The following CDC14A variants were observed in gnomAD, a reference collection of about 807,000 sequenced individuals.
CDC14A encodes the protein cell division cycle 14A.
A neutral mutation model predicts 74.4 loss-of-function variants in CDC14A; 53 were observed. The ratio of observed to expected loss-of-function variants is 0.71; its 90% CI spans 0.57 to 0.89. The LOEUF is 0.89. Among genes scored for constraint, CDC14A ranks in the 40% least tolerant of loss-of-function variants. The pLI is 0.00. For missense variants in CDC14A, 646 were observed against 713.7 expected (o/e 0.91, Z 1.08); for synonymous variants, 247 against 258.4 (o/e 0.96, Z 0.43).
intron 5 of CDC14A, among the ~76,000 whole-genome samples, chr1:100,431,720 C>T (rs114068828): frequency 0.02 from 2,998 of 151,634 alleles, 107 homozygotes; most frequent in African/African-American, 0.069. Flanking sequence ...GGTAGTGGCA[C>T]ACATCTGTAG....
At chr1:100,484,870 C>CTT in intron 11 of CDC14A, 1 of 981,894 alleles carries the variant, frequency 1.0e-6, no homozygotes, top group Non-Finnish European at 1.2e-6. Context: ...GATTAGGGCA[C>CTT]TTTTTTAAAA....
chr1:100,390,990 G>T, intron 4 of CDC14A, 166 bp downstream of exon 4: 2 of 675,482 alleles, frequency 3.0e-6, no homozygotes, highest in Non-Finnish European at 5.4e-6. Context: ...GTGGTGGAAT[G>T]TTTACTCTTT....
At chr1:100,349,643 A>T (rs1650737753), upstream of CDC14A, among the ~76,000 whole-genome samples, 1 of 152,052 alleles carries the variant, frequency 6.6e-6, no homozygotes, top group South Asian at 2.1e-4. Context: ...CTTCCATGCA[A>T]TTTTGTTGTT....
At chr1:100,413,462 G>A (rs1284986890) in intron 4 of CDC14A, among the ~76,000 whole-genome samples, 3 of 152,058 alleles carry the variant, frequency 2.0e-5, no homozygotes, top group South Asian at 2.1e-4. Flanking sequence ...ATATGAAAAG[G>A]CTTCTTAAAA....
At chr1:100,466,414 C>T (rs981636247) in intron 9 of CDC14A, among the ~76,000 whole-genome samples, 9 of 152,082 alleles carry the variant, frequency 5.9e-5, no homozygotes, top group Admixed American at 2.0e-4. Flanking sequence ...AGGCAAATTA[C>T]GCAGAAATCT....
chr1:100,421,355 C>A (rs933116579), intron 4 of CDC14A, among the ~76,000 whole-genome samples: 3 of 152,168 alleles, frequency 2.0e-5, no homozygotes, highest in African/African-American at 4.8e-5. Context: ...ATTAGAATAT[C>A]TGGCAACAAA....
chr1:100,434,722 T>C (rs957781394), intron 5 of CDC14A, among the ~76,000 whole-genome samples: 2 of 152,140 alleles, frequency 1.3e-5, no homozygotes, highest in Admixed American at 6.5e-5. Flanking sequence ...AAGACTGGAT[T>C]ATCGTTGCAG....
At chr1:100,491,548 CTATATATATA>C (rs67056785) in intron 11 of CDC14A, among the ~76,000 whole-genome samples, 1 of 38,750 alleles carries the variant, frequency 2.6e-5, no homozygotes, top group African/African-American at 8.6e-5. Flanking sequence ...CTCTCTCTCT[CTATATATATA>C]TATATATATA....
chr1:100,516,289 C>T (rs1196133316), intron 15 of CDC14A, among the ~76,000 whole-genome samples: 18 of 151,594 alleles, frequency 1.2e-4, no homozygotes. Flanking sequence ...AATATATGCA[C>T]ACACACATAT....
At chr1:100,371,064 T>C (rs1005692847) in intron 2 of CDC14A, among the ~76,000 whole-genome samples, 3 of 152,232 alleles carry the variant, frequency 2.0e-5, no homozygotes, top group Non-Finnish European at 4.4e-5. Context: ...TTTGAGGCTA[T>C]TGTAACTGGG....
chr1:100,463,490 G>A (rs1667511692), intron 9 of CDC14A, among the ~76,000 whole-genome samples: 1 of 152,122 alleles, frequency 6.6e-6, no homozygotes, highest in Non-Finnish European at 1.5e-5. Flanking sequence ...TGATCTCTGG[G>A]GGTGGATACT....
intron 10 of CDC14A, among the ~76,000 whole-genome samples, chr1:100,475,896 A>G (rs1668845566): frequency 2.0e-5 from 3 of 152,142 alleles, no homozygotes; most frequent in African/African-American, 7.2e-5. Flanking sequence ...GGATCTCATT[A>G]TCTGACTCCC....
At chr1:100,372,322 A>G (rs1654591523) in intron 2 of CDC14A, among the ~76,000 whole-genome samples, 2 of 151,852 alleles carry the variant, frequency 1.3e-5, no homozygotes, top group Admixed American at 1.3e-4. Flanking sequence ...ATATTGATTC[A>G]CTCTTCCTTT....
At chr1:100,356,603 C>A (rs771696281) in intron 2 of CDC14A, among the ~76,000 whole-genome samples, 1 of 152,068 alleles carries the variant, frequency 6.6e-6, no homozygotes, top group Non-Finnish European at 1.5e-5. Flanking sequence ...CGCCTGTAAT[C>A]ACAGCACTTT....
At chr1:100,467,926 T>C (rs1467542710) in intron 9 of CDC14A, 30 bp from the exon 10 acceptor site, 6 of 1,549,940 alleles carry the variant, frequency 3.9e-6, no homozygotes, top group South Asian at 2.5e-5. Flanking sequence ...CTAGACTTTA[T>C]ATTTCTTATT....
intron 4 of CDC14A, among the ~76,000 whole-genome samples, chr1:100,404,939 T>C (rs1659757138): frequency 6.6e-6 from 1 of 152,216 alleles, no homozygotes; most frequent in Non-Finnish European, 1.5e-5. Flanking sequence ...CAGTACCTCA[T>C]AGAGTTATTT....
At chr1:100,510,906 C>T (rs1333043112) in intron 15 of CDC14A, among the ~76,000 whole-genome samples, 1 of 152,166 alleles carries the variant, frequency 6.6e-6, no homozygotes, top group African/African-American at 2.4e-5. Context: ...TTCCTGATCT[C>T]CAGAGCCAGC....
chr1:100,442,803 C>T (rs1490706192), intron 6 of CDC14A, 131 bp from the exon 7 acceptor site: 2 of 654,090 alleles, frequency 3.1e-6, no homozygotes, highest in Non-Finnish European at 2.7e-6. Context: ...TCTAGATATG[C>T]ATTAAACATC....
At chr1:100,440,317 G>A (rs949710351) in intron 6 of CDC14A, among the ~76,000 whole-genome samples, 1 of 152,120 alleles carries the variant, frequency 6.6e-6, no homozygotes, top group African/African-American at 2.4e-5. Flanking sequence ...CTTGGTGTGG[G>A]AGAGTCAGGA....
Sources: allele counts gnomAD v4.1 joint callset (sites outside exome capture counted in the v4.1 genomes callset), GRCh38; gene constraint gnomAD v4.1.1; transcripts MANE v1.5; gene names NCBI Gene and HGNC (gene_info 2026-07-23, HGNC 2026-07-21).